Variants in XRN1 observed in about 807,000 individuals in gnomAD.
XRN1 encodes the protein strand-exchange protein 1 homolog.
Under a neutral mutation model 222.3 loss-of-function variants are expected in XRN1, and 67 were observed. The ratio of observed to expected loss-of-function variants is 0.30; its 90% CI spans 0.25 to 0.37. The LOEUF (loss-of-function observed/expected upper bound fraction) is 0.37. XRN1 is among the 10% of genes least tolerant of loss of function. The probability of loss-of-function intolerance (pLI) is 1.00; values close to 1 mark genes in which losing one functional copy is unlikely to be tolerated. For synonymous variants in XRN1, 643 were observed against 652.4 expected, an observed-to-expected ratio of 0.99 and a Z score of 0.22; for missense variants, 1,707 against 2,000.2, an observed-to-expected ratio of 0.85 and a Z score of 2.80.
At chr3:142,377,955 G>A (rs1195778735) in intron 23 of XRN1, among the ~76,000 whole-genome samples, 1 of 152,124 alleles carries the variant, frequency 6.6e-6, no homozygotes, top group African/African-American at 2.4e-5. Flanking sequence ...GCACCAGATG[G>A]TAAGATTTTA....
At chr3:142,418,981 CATGTT>C (rs1464735011) in intron 10 of XRN1, 100 bp from the exon 11 acceptor site, 2 of 1,044,526 alleles carry the variant, frequency 1.9e-6, no homozygotes, top group Non-Finnish European at 3.0e-6. Flanking sequence ...ATAGTTCTTC[CATGTT>C]ATAACATCCT....
intron 25 of XRN1, among the ~76,000 whole-genome samples, chr3:142,374,151 TATAAATC>T (rs1322476696): frequency 6.6e-6 from 1 of 152,112 alleles, no homozygotes; most frequent in African/African-American, 2.4e-5. Flanking sequence ...AAAATGGAGA[TATAAATC>T]AGAAAGAGTG....
At chr3:142,434,954 T>C (rs1275277377) in intron 1 of XRN1, 1 of 152,128 alleles carries the variant, frequency 6.6e-6, no homozygotes, top group East Asian at 1.9e-4. Context: ...ATTTTTAAAC[T>C]CTTAGGGTAG....
At chr3:142,329,393 T>C in intron 37 of XRN1, 41 bp downstream of exon 37, 3 of 1,285,446 alleles carry the variant, frequency 2.3e-6, no homozygotes, top group South Asian at 2.4e-5. Context: ...TTAAGCTTAA[T>C]GTTAAATAAT....
chr3:142,388,773 A>G (rs1298515185), intron 20 of XRN1, among the ~76,000 whole-genome samples: 1 of 152,244 alleles, frequency 6.6e-6, no homozygotes, highest in Non-Finnish European at 1.5e-5. Flanking sequence ...CTTGGAGTCA[A>G]TGCTCTCAAA....
intron 37 of XRN1, among the ~76,000 whole-genome samples, chr3:142,325,967 G>T (rs1286825282): frequency 6.6e-6 from 1 of 152,038 alleles, no homozygotes; most frequent in Admixed American, 6.6e-5. Context: ...TAAAAAATAA[G>T]TTGACTGTAA....
At chr3:142,432,131 T>C (rs1292422657) in intron 2 of XRN1, among the ~76,000 whole-genome samples, 3 of 120,096 alleles carry the variant, frequency 2.5e-5, no homozygotes, top group African/African-American at 1.2e-4. Context: ...TATATTTTCA[T>C]ATATATAAAA....
At chr3:142,313,483 T>G (rs984791050) in intron 39 of XRN1, among the ~76,000 whole-genome samples, 2 of 152,146 alleles carry the variant, frequency 1.3e-5, no homozygotes, top group Non-Finnish European at 2.9e-5. Flanking sequence ...AGTAGAGCAT[T>G]TGAAAACTAC....
chr3:142,399,604 G>T lies in XRN1; in HGVS notation c.2207+840C>A, dbSNP rs544947560. On this transcript the variant is annotated intron_variant, in intron 19 of 40. Transcript: ENST00000392981. ...TAAATTGGACTTCATCAGAAAGGTA[G>T]GGGAATTAAATTCTGATAAAAAAAA... 2.6e-5 allele frequency among the ~76,000 whole-genome samples: 4 copies of T among 151,960 alleles called. No homozygotes were observed. In the East Asian group the frequency reaches 7.7e-4, roughly 29 times the overall value.
intron 1 of XRN1, among the ~76,000 whole-genome samples, chr3:142,442,588 G>C (rs2070272943): frequency 6.6e-6 from 1 of 152,106 alleles, no homozygotes; most frequent in South Asian, 2.1e-4. Context: ...TTTCACTTAG[G>C]CATTGATAGC....
intron 37 of XRN1, among the ~76,000 whole-genome samples, chr3:142,327,056 A>G (rs1428787699): frequency 6.6e-6 from 1 of 152,094 alleles, no homozygotes; most frequent in Non-Finnish European, 1.5e-5. Flanking sequence ...ACTTCATCAG[A>G]TATATCGGCC....
At chr3:142,387,122 T>C (rs1330974203) in intron 20 of XRN1, among the ~76,000 whole-genome samples, 2 of 152,198 alleles carry the variant, frequency 1.3e-5, no homozygotes, top group South Asian at 2.1e-4. Context: ...TACAATGTAA[T>C]AGTATCATTA....
chr3:142,431,903 T>A lies in XRN1; in HGVS notation c.308+758A>T, dbSNP rs866572442. ...TATATATTATATATAATATATATAT[T>A]ATATATATAAATATATATAATATAA... is the stretch of plus-strand genomic sequence containing the variant. On this transcript the variant is annotated intron_variant, in intron 2 of 40. Coordinates refer to ENST00000392981, the MANE Select transcript of XRN1 (RefSeq NM_001282857.2). 5.7e-3 allele frequency among the ~76,000 whole-genome samples: 239 copies of A among 41,792 alleles called. 8 individuals are homozygous for A. The highest frequency in any genetic ancestry group is 0.029 in the African/African-American group (219 of 7,650). The allele number at this position is 41,792 out of a possible 152,430, so 27.4% of individuals were successfully genotyped here.
chr3:142,417,997 T>C (rs1045276346), intron 12 of XRN1: 9 of 152,574 alleles, frequency 5.9e-5, no homozygotes, highest in African/African-American at 2.2e-4. Flanking sequence ...TTTATCTATA[T>C]CTAGGTTTTT....
At chr3:142,431,689 C>T (rs1018112626) in intron 2 of XRN1, among the ~76,000 whole-genome samples, 1 of 148,428 alleles carries the variant, frequency 6.7e-6, no homozygotes, top group African/African-American at 2.5e-5. Context: ...TGGTGGCGGG[C>T]ACCTGTAATC....
chr3:142,400,311 C>A (rs899105493), intron 19 of XRN1, 133 bp downstream of exon 19: 20 of 637,128 alleles, frequency 3.1e-5, no homozygotes, highest in South Asian at 3.0e-5. Context: ...TGTCATTAGA[C>A]GACTTTCATT....
In XRN1 at chr3:142,397,392, A is replaced by G; in HGVS notation, c.2276T>C (p.Val759Ala). The change falls in exon 20 of 41, where the codon GTG (valine) becomes GCG (alanine). Residue 759 changes from valine to alanine, a missense_variant. Physicochemically the swap from Val to Ala is moderately conservative, Grantham distance 64 (BLOSUM62 0). Coordinates refer to ENST00000392981, the MANE Select transcript of XRN1 (RefSeq NM_001282857.2). The part of the protein sequence containing the change: ...YSGRTAPPSK[V>A]VHLGDKEQSN... Reference sequence around the variant, plus strand: ...TTGTTCTTTATCTCCAAGATGAACCACTTTAGATGGTGGGGCAGTTCTTCC... The same window carrying G: ...TTGTTCTTTATCTCCAAGATGAACCGCTTTAGATGGTGGGGCAGTTCTTCC... 1.9e-6 allele frequency: 3 copies of G among 1,610,246 alleles called. No homozygotes were observed. The highest frequency in any genetic ancestry group is 2.2e-5 in the South Asian group (2 of 90,372).
At chr3:142,380,708 TAGTG>T (rs1357469778) in intron 22 of XRN1, among the ~76,000 whole-genome samples, 3 of 151,952 alleles carry the variant, frequency 2.0e-5, no homozygotes. Context: ...GGCTGGAGTG[TAGTG>T]GCACTATCAT....
intron 39 of XRN1, among the ~76,000 whole-genome samples, chr3:142,316,860 G>A (rs2065224066): frequency 6.6e-6 from 1 of 151,916 alleles, no homozygotes; most frequent in Non-Finnish European, 1.5e-5. Flanking sequence ...TTGAGTCCAC[G>A]ACTTTGAGAC....
Sources: allele counts gnomAD v4.1 joint callset (sites outside exome capture counted in the v4.1 genomes callset), GRCh38; gene constraint gnomAD v4.1.1; transcripts MANE v1.5; gene names NCBI Gene and HGNC (gene_info 2026-07-23, HGNC 2026-07-21).